The following SLMAP variants were observed in gnomAD, a reference collection of about 807,000 sequenced individuals.
SLMAP encodes the protein sarcolemmal membrane-associated protein.
SLMAP carries 44 observed loss-of-function variants against 128.8 expected under a neutral mutation model. The observed-to-expected ratio is 0.34, with a 90% CI of 0.27 to 0.44. The LOEUF (loss-of-function observed/expected upper bound fraction) is 0.44, where lower values mean the gene tolerates loss of function less well. SLMAP is among the 20% of genes least tolerant of loss of function. The pLI, the probability that SLMAP is intolerant of heterozygous loss-of-function variation, is 1.00. For missense variants in SLMAP, 787 were observed against 985.3 expected (o/e 0.80, Z 2.69); for synonymous variants, 327 against 348.8 (o/e 0.94, Z 0.70).
chr3:57,816,183 G>A (rs1201145999), intron 2 of SLMAP, among the ~76,000 whole-genome samples: 20 of 151,994 alleles, frequency 1.3e-4, no homozygotes, highest in African/African-American at 4.3e-4. Flanking sequence ...TTACTTTGTC[G>A]CCCAGGCTGG....
intron 8 of SLMAP, among the ~76,000 whole-genome samples, chr3:57,860,310 G>A (rs1194562572): frequency 6.6e-6 from 1 of 152,062 alleles, no homozygotes; most frequent in Non-Finnish European, 1.5e-5. Flanking sequence ...TTCCCCCATG[G>A]TACTCTTATT....
intron 3 of SLMAP, among the ~76,000 whole-genome samples, chr3:57,839,545 G>C (rs2093819349): frequency 6.8e-6 from 1 of 147,800 alleles, no homozygotes. Context: ...GGTTCAAGCA[G>C]TTCTGCTGGC....
intron 3 of SLMAP, among the ~76,000 whole-genome samples, chr3:57,840,501 C>T (rs1231636412): frequency 1.3e-5 from 2 of 152,144 alleles, no homozygotes; most frequent in East Asian, 3.9e-4. Context: ...AATAAAAAAC[C>T]GTCAACCTTC....
intron 2 of SLMAP, among the ~76,000 whole-genome samples, chr3:57,761,781 C>T (rs1445767508): frequency 6.6e-6 from 1 of 151,712 alleles, no homozygotes; most frequent in Non-Finnish European, 1.5e-5. Flanking sequence ...GGCGCGGTGG[C>T]TCACGCCTGT....
intron 14 of SLMAP, among the ~76,000 whole-genome samples, chr3:57,875,759 A>G (rs891460062): frequency 1.3e-5 from 2 of 152,220 alleles, no homozygotes; most frequent in Middle Eastern, 3.2e-3. Flanking sequence ...TTGGGTAACC[A>G]GAGTTGGGAA....
intron 23 of SLMAP, among the ~76,000 whole-genome samples, chr3:57,924,506 T>A (rs966836135): frequency 6.6e-6 from 1 of 152,026 alleles, no homozygotes; most frequent in Non-Finnish European, 1.5e-5. Context: ...GTAGCTGGGA[T>A]TACAGCATGT....
At chr3:57,766,238 G>A (rs566708507) in intron 2 of SLMAP, among the ~76,000 whole-genome samples, 1 of 144,444 alleles carries the variant, frequency 6.9e-6, no homozygotes, top group African/African-American at 2.6e-5. Flanking sequence ...GGATGGTCTC[G>A]ATTTCCTGAC....
intron 14 of SLMAP, among the ~76,000 whole-genome samples, chr3:57,884,120 G>C (rs571812859): frequency 6.6e-6 from 1 of 151,884 alleles, no homozygotes; most frequent in Non-Finnish European, 1.5e-5. Context: ...GTAGAGACAG[G>C]GTTTTGTCAT....
intron 13 of SLMAP, among the ~76,000 whole-genome samples, chr3:57,868,822 A>AT (rs3037513): frequency 2.2e-5 from 3 of 136,700 alleles, no homozygotes; most frequent in Admixed American, 8.0e-5. Flanking sequence ...ATATATATAT[A>AT]AAATATATAT....
Position 57,822,464 on chromosome 3 carries a change from G to A in SLMAP, c.199-8919G>A, listed in dbSNP as rs149529981. Reference sequence around the variant, plus strand: ...ACCAGAAGAACTACTGAGCTCGCATGAACTGTCTGAAGCAACTATTTTGGA... The same window carrying A: ...ACCAGAAGAACTACTGAGCTCGCATAAACTGTCTGAAGCAACTATTTTGGA... On this transcript the variant is annotated intron_variant, in intron 2 of 24. Coordinates refer to ENST00000671191, the MANE Select transcript of SLMAP (RefSeq NM_001377540.1). Among the ~76,000 whole-genome samples, 1,485 of 152,324 alleles carry A rather than the reference G, an allele frequency of 9.7e-3. 16 individuals carry two copies. The highest frequency in any genetic ancestry group is 0.013 in the Non-Finnish European group (914 of 68,032).
Position 57,863,569 on chromosome 3 carries a change from A to G in SLMAP, c.967-979A>G, listed in dbSNP as rs9844865. ...CAGGCTGCTTCCACTGATGGCAGAAAGCAAAGTGGAGCTGGTACGTGTTCC... is the reference window on the plus strand; with the variant it reads ...CAGGCTGCTTCCACTGATGGCAGAAGGCAAAGTGGAGCTGGTACGTGTTCC... On this transcript the variant is annotated intron_variant, in intron 10 of 24. Transcript: ENST00000671191. 0.33 allele frequency among the ~76,000 whole-genome samples: 50,783 copies of G among 152,082 alleles called. 9,168 individuals are homozygous for G. Among genetic ancestry groups the G allele is most frequent in the East Asian group, 0.48 (2,473 of 5,168 alleles).
At chr3:57,829,995 C>T (rs748398071) in intron 2 of SLMAP, among the ~76,000 whole-genome samples, 8 of 152,170 alleles carry the variant, frequency 5.3e-5, no homozygotes, top group Non-Finnish European at 8.8e-5. Context: ...CTGCATCTCA[C>T]TTTTTTCCTT....
At chr3:57,816,179 T>C (rs536260603) in intron 2 of SLMAP, among the ~76,000 whole-genome samples, 1 of 152,300 alleles carries the variant, frequency 6.6e-6, no homozygotes, top group South Asian at 2.1e-4. Flanking sequence ...AGTCTTACTT[T>C]GTCGCCCAGG....
At chr3:57,780,148 CCCTT>C (rs1200520994) in intron 2 of SLMAP, among the ~76,000 whole-genome samples, 17 of 151,592 alleles carry the variant, frequency 1.1e-4, no homozygotes, top group South Asian at 4.2e-4. Context: ...CCCTGCCCCT[CCCTT>C]CTTTTTTTTT....
intron 20 of SLMAP, 74 bp downstream of exon 20, chr3:57,912,775 C>T: frequency 2.6e-6 from 3 of 1,154,490 alleles, no homozygotes; most frequent in Non-Finnish European, 1.2e-6. Flanking sequence ...AAAAAAGAAA[C>T]ATGCAGGCTT....
chr3:57,891,828 C>T (rs1168986284), intron 15 of SLMAP, among the ~76,000 whole-genome samples: 1 of 152,160 alleles, frequency 6.6e-6, no homozygotes, highest in Non-Finnish European at 1.5e-5. Flanking sequence ...CCACCCGCCT[C>T]GGCCTCCCAA....
intron 2 of SLMAP, among the ~76,000 whole-genome samples, chr3:57,788,866 T>C (rs1359596749): frequency 1.4e-5 from 1 of 68,966 alleles, no homozygotes; most frequent in Admixed American, 1.6e-4. Context: ...AGTTAGGGAG[T>C]GTGACAGGGA....
intron 15 of SLMAP, among the ~76,000 whole-genome samples, chr3:57,895,633 C>T (rs2096223487): frequency 1.3e-5 from 2 of 151,912 alleles, no homozygotes; most frequent in Admixed American, 1.3e-4. Context: ...TGCGCCTGGC[C>T]CTAAACTTTT....
intron 14 of SLMAP, among the ~76,000 whole-genome samples, chr3:57,889,822 A>G (rs1333761368): frequency 6.6e-6 from 1 of 152,230 alleles, no homozygotes; most frequent in African/African-American, 2.4e-5. Flanking sequence ...AATAAAAGGC[A>G]AATTGTCTGC....
Sources: allele counts gnomAD v4.1 joint callset (sites outside exome capture counted in the v4.1 genomes callset), GRCh38; gene constraint gnomAD v4.1.1; transcripts MANE v1.5; gene names NCBI Gene and HGNC (gene_info 2026-07-23, HGNC 2026-07-21).